The following CEMIP variants were observed in gnomAD, a reference collection of about 807,000 sequenced individuals.
The protein encoded by CEMIP is cell migration inducing hyaluronidase 1, also known as cell migration-inducing and hyaluronan-binding protein.
CEMIP carries 105 observed loss-of-function variants against 156.9 expected under a neutral mutation model. The ratio of observed to expected loss-of-function variants is 0.67; its 90% CI spans 0.57 to 0.79. The LOEUF is 0.79. Among genes scored for constraint, CEMIP ranks in the 30% least tolerant of loss-of-function variants. The pLI, the probability that CEMIP is intolerant of heterozygous loss-of-function variation, is 0.00. For missense variants in CEMIP, 1,457 were observed against 1,769.4 expected, an observed-to-expected ratio of 0.82 and a Z score of 3.17; for synonymous variants, 676 against 668.4, an observed-to-expected ratio of 1.01 and a Z score of -0.17.
In CEMIP at chr15:80,893,630, C is replaced by T. The variant is rs575702303; in HGVS notation, c.1087-1360C>T. ...ACATCTGAACCCCTCTGAGCATCAG[C>T]GTTGACCTCCGTCTAAAAGCAAGTT... On this transcript the variant is annotated intron_variant, in intron 10 of 29. Transcript: ENST00000394685. Among the ~76,000 whole-genome samples, 8 of 152,144 alleles carry T rather than the reference C, an allele frequency of 5.3e-5. No homozygotes were observed. In the South Asian group the frequency reaches 6.2e-4, roughly 12 times the overall value.
intron 1 of CEMIP, among the ~76,000 whole-genome samples, chr15:80,869,190 T>C (rs1220298025): frequency 1.3e-5 from 2 of 152,234 alleles, no homozygotes; most frequent in Admixed American, 6.5e-5. Flanking sequence ...ACCAGTCATA[T>C]TGGATTAGGG....
At chr15:80,864,919 A>G (rs960403973) in intron 1 of CEMIP, among the ~76,000 whole-genome samples, 2 of 152,174 alleles carry the variant, frequency 1.3e-5, no homozygotes, top group Admixed American at 1.3e-4. Context: ...TGGGACTGAG[A>G]ACCTGTGTTT....
At chr15:80,823,393 G>T (rs1002944622) in intron 1 of CEMIP, among the ~76,000 whole-genome samples, 2 of 152,238 alleles carry the variant, frequency 1.3e-5, no homozygotes, top group Non-Finnish European at 2.9e-5. Flanking sequence ...AGAGGAATCT[G>T]CCCTGGCATT....
rs139639778 is a variant in CEMIP, at chr15:80,860,551, C to T, written c.-175-12987C>T. 5.2e-3 allele frequency among the ~76,000 whole-genome samples: 798 copies of T among 152,352 alleles called. 7 individuals are homozygous for T. The highest frequency in any genetic ancestry group is 0.018 in the African/African-American group (768 of 41,576). ...CTTTATTTAAGCCAGCACGGCAGCA[C>T]TGAAAACACCACACCCAGTGGTGGG... On this transcript the variant is annotated intron_variant, in intron 1 of 29. Coordinates refer to ENST00000394685, the MANE Select transcript of CEMIP (RefSeq NM_001293298.2).
chr15:80,865,225 A>G (rs992366473), intron 1 of CEMIP, among the ~76,000 whole-genome samples: 1 of 152,158 alleles, frequency 6.6e-6, no homozygotes, highest in African/African-American at 2.4e-5. Context: ...TCTGTCACCC[A>G]GACTGGAGTG....
intron 12 of CEMIP, among the ~76,000 whole-genome samples, chr15:80,900,630 G>GTGTGTGTGTGTGTGTGTGTC (rs1567090873): frequency 7.7e-6 from 1 of 129,386 alleles, no homozygotes; most frequent in African/African-American, 2.7e-5. Flanking sequence ...GTGTGTGTGT[G>GTGTGTGTGTGTGTGTGTGTC]TGTGTGTGTG....
At position 80,906,630 on chromosome 15, in the gene CEMIP, G is replaced by A. The variant is rs781252289; in HGVS notation, c.1412-33G>A. ...AGAACTCAGTGGGCATGCAGTACCT[G>A]CTGTTGTTTACCGTCCTCCCTTTCT... On this transcript the variant is annotated intron_variant, in intron 12 of 29. Transcript: ENST00000394685. This position sits in a 1 kb window ranked among gnomAD's most constrained non-coding sequence, Gnocchi z 4.3. 5.6e-6 allele frequency: 9 copies of A among 1,596,568 alleles called. No homozygotes were observed. Among genetic ancestry groups the A allele is most frequent in the African/African-American group, 2.7e-5 (2 of 74,794 alleles).
chr15:80,822,778 A>G lies in CEMIP; in HGVS notation c.-176+43164A>G, dbSNP rs555768782. On this transcript the variant is annotated intron_variant, in intron 1 of 29. Coordinates refer to ENST00000394685, the MANE Select transcript of CEMIP (RefSeq NM_001293298.2). ...GTTGTTTGTGGCATCAAATGAGGAT[A>G]TTTCCACTTTGAGAGTGTCCCTCTC... Among the ~76,000 whole-genome samples the G allele has an allele frequency of 1.1e-4, 16 of 152,228 alleles. No homozygotes were observed. In the East Asian group the frequency reaches 2.9e-3, roughly 28 times the overall value.
intron 14 of CEMIP, among the ~76,000 whole-genome samples, chr15:80,912,186 G>A (rs190487513): frequency 3.3e-4 from 51 of 152,326 alleles, no homozygotes; most frequent in African/African-American, 1.2e-3. Flanking sequence ...GATAGGCTGG[G>A]GGAGTGAGAG....
At chr15:80,902,575 A>G (rs1226912141) in intron 12 of CEMIP, among the ~76,000 whole-genome samples, 1 of 152,154 alleles carries the variant, frequency 6.6e-6, no homozygotes, top group Non-Finnish European at 1.5e-5. Flanking sequence ...AGGTCTTGTA[A>G]AAGGTTCTGA....
chr15:80,810,919 C>T lies in CEMIP; in HGVS notation c.-176+31305C>T, dbSNP rs146753428. ...GGCTGTCCATCCAGCAATAAAATTA[C>T]CATTTCCCCATCCATTCGCCTACTC... On this transcript the variant is annotated intron_variant, in intron 1 of 29. Coordinates refer to ENST00000394685, the MANE Select transcript of CEMIP (RefSeq NM_001293298.2). Among the ~76,000 whole-genome samples the T allele has an allele frequency of 5.0e-4, 76 of 152,268 alleles. No individual in the cohort carries two copies. In the East Asian group the frequency reaches 0.011, roughly 21 times the overall value.
rs1900976863 is a variant in CEMIP, at chr15:80,932,896, TCTCA to T, written c.2794-347_2794-344del. On this transcript the variant is annotated intron_variant, in intron 22 of 29. Coordinates refer to ENST00000394685, the MANE Select transcript of CEMIP (RefSeq NM_001293298.2). This position sits in a 1 kb window ranked among gnomAD's most constrained non-coding sequence, Gnocchi z 4.5. The stretch of plus-strand genomic sequence containing the variant: ...CATACACACATCACCCCCACCTCCC[TCTCA>T]CACACAGTCACACTCACAGTCCTCA... 6.6e-6 allele frequency among the ~76,000 whole-genome samples: 1 copy of T among 152,090 alleles called. No individual in the cohort carries two copies. Among genetic ancestry groups the T allele is most frequent in the African/African-American group, 2.4e-5 (1 of 41,398 alleles).
chr15:80,931,712 G>C (rs965421225), intron 21 of CEMIP, 147 bp from the exon 22 acceptor site: 2 of 700,506 alleles, frequency 2.9e-6, no homozygotes, highest in Non-Finnish European at 5.1e-6. Context: ...TCTAGAGGTG[G>C]GGATCAGGAA....
intron 7 of CEMIP, among the ~76,000 whole-genome samples, chr15:80,885,334 G>C (rs1403690335): frequency 6.6e-6 from 1 of 152,166 alleles, no homozygotes; most frequent in Non-Finnish European, 1.5e-5. Context: ...CAAGGGAGGG[G>C]TGCTCCAGGT....
chr15:80,862,989 G>C (rs1355106424), intron 1 of CEMIP, among the ~76,000 whole-genome samples: 4 of 152,164 alleles, frequency 2.6e-5, no homozygotes, highest in African/African-American at 9.7e-5. Context: ...GGATTGGCGG[G>C]AGAGGCCAGG....
At chr15:80,817,676 T>C (rs1175711021) in intron 1 of CEMIP, among the ~76,000 whole-genome samples, 1 of 150,972 alleles carries the variant, frequency 6.6e-6, no homozygotes, top group Non-Finnish European at 1.5e-5. Flanking sequence ...ATGGGAACAT[T>C]TGGGGGTATG....
intron 1 of CEMIP, among the ~76,000 whole-genome samples, chr15:80,808,205 A>G (rs554014282): frequency 1.3e-5 from 2 of 152,330 alleles, no homozygotes; most frequent in African/African-American, 2.4e-5. Context: ...TGGCCTGTTC[A>G]GTATCCGGCA....
chr15:80,810,604 C>T (rs1896644937), intron 1 of CEMIP, among the ~76,000 whole-genome samples: 1 of 152,198 alleles, frequency 6.6e-6, no homozygotes, highest in Non-Finnish European at 1.5e-5. Context: ...ATCCGCCCTC[C>T]TCGGCCTCCC....
At chr15:80,785,858 A>G (rs1231744032) in intron 1 of CEMIP, among the ~76,000 whole-genome samples, 3 of 152,174 alleles carry the variant, frequency 2.0e-5, no homozygotes, top group Non-Finnish European at 4.4e-5. Flanking sequence ...CCTTACTTGC[A>G]TCATGTGCAT....
Sources: allele counts gnomAD v4.1 joint callset (sites outside exome capture counted in the v4.1 genomes callset), GRCh38; gene constraint gnomAD v4.1.1; non-coding constraint Gnocchi (gnomAD v3.1); transcripts MANE v1.5; gene names NCBI Gene and HGNC (gene_info 2026-07-23, HGNC 2026-07-21).